ERMARD: variants seen among roughly 807,000 people sequenced by gnomAD.
ERMARD encodes the protein endoplasmic reticulum membrane-associated RNA degradation protein.
Under a neutral mutation model 83.9 loss-of-function variants are expected in ERMARD, and 71 were observed. The observed-to-expected ratio is 0.85, with a 90% confidence interval of 0.70 to 1.03. The LOEUF (loss-of-function observed/expected upper bound fraction) is 1.03, where lower values mean the gene tolerates loss of function less well. ERMARD is among the 50% of genes least tolerant of loss of function. ERMARD has a pLI of 0.00. For missense variants in ERMARD, 838 were observed against 810.9 expected (o/e 1.03, Z -0.41); for synonymous variants, 284 against 298.6 (o/e 0.95, Z 0.50).
At chr6:169,775,808 C>T in intron 14 of ERMARD, 132 bp from the exon 15 acceptor site, 1 of 1,216,536 alleles carries the variant, frequency 8.2e-7, no homozygotes, top group Non-Finnish European at 1.1e-6. Flanking sequence ...GTGGCTTTTT[C>T]CATTTTATAT....
At chr6:169,769,261 A>G (rs1379589078) in intron 11 of ERMARD, among the ~76,000 whole-genome samples, 1 of 152,232 alleles carries the variant, frequency 6.6e-6, no homozygotes. Flanking sequence ...TCATTTGCAA[A>G]TGTTCACACT....
intron 5 of ERMARD, among the ~76,000 whole-genome samples, chr6:169,757,364 A>T (rs1790948952): frequency 6.6e-6 from 1 of 152,178 alleles, no homozygotes; most frequent in Admixed American, 6.5e-5. Flanking sequence ...CCGAGTGTGA[A>T]TAACTCTGGG....
intron 16 of ERMARD, 142 bp from the exon 17 acceptor site, chr6:169,779,040 C>T (rs1240375188): frequency 1.3e-6 from 1 of 749,978 alleles, no homozygotes; most frequent in African/African-American, 1.7e-5. Flanking sequence ...TGGAAGCAGG[C>T]ATTGGGCTCT....
In ERMARD at chr6:169,751,634, C is replaced by T. The variant is rs1167756626; in HGVS notation, c.-24C>T. On this transcript the variant is annotated 5_prime_UTR_variant, in exon 1 of 18. Transcript: ENST00000366773. Reference sequence around the variant, plus strand: ...CGCAGGCGCCTGCGTCATTCACGCGCGCCGCAGCGGGGCACCGGAAGTTAT... The same window carrying T: ...CGCAGGCGCCTGCGTCATTCACGCGTGCCGCAGCGGGGCACCGGAAGTTAT... The T allele has an allele frequency of 4.5e-6, 7 of 1,571,266 alleles. No homozygotes were observed. The highest frequency in any genetic ancestry group is 3.4e-5 in the South Asian group (3 of 87,242).
chr6:169,751,881 T>G, intron 1 of ERMARD: 1 of 627,288 alleles, frequency 1.6e-6, no homozygotes, highest in Non-Finnish European at 2.4e-6. Context: ...CCGGCCTCCC[T>G]GGGCCAGGCT....
intron 10 of ERMARD, chr6:169,767,003 T>A (rs1335509002): frequency 4.4e-6 from 1 of 228,310 alleles, no homozygotes; most frequent in Non-Finnish European, 8.5e-6. Context: ...CTGTTACAAG[T>A]GTGTGGGATA....
intron 13 of ERMARD, among the ~76,000 whole-genome samples, chr6:169,774,753 G>A (rs915758232): frequency 3.9e-5 from 6 of 152,204 alleles, no homozygotes; most frequent in Admixed American, 6.5e-5. Flanking sequence ...TGACCTGGGC[G>A]TTGATGGCTG....
chr6:169,768,183 G>T lies in ERMARD; in HGVS notation c.1059+12G>T, dbSNP rs754401068. ...GAGAGCCTGCTATGGTAAGTATTAGGTATTTTCCAGGCTAATATTCTTGTA... is the reference window on the plus strand; with the variant it reads ...GAGAGCCTGCTATGGTAAGTATTAGTTATTTTCCAGGCTAATATTCTTGTA... On this transcript the variant is annotated intron_variant, in intron 11 of 17. Coordinates refer to ENST00000366773, the MANE Select transcript of ERMARD (RefSeq NM_018341.3). 1 of 1,607,834 alleles carries T rather than the reference G, an allele frequency of 6.2e-7. No individual in the cohort carries two copies. The highest frequency in any genetic ancestry group is 1.1e-5 in the South Asian group (1 of 90,880).
At chr6:169,766,920 C>G (rs1442882444) in intron 10 of ERMARD, 2 of 386,412 alleles carry the variant, frequency 5.2e-6, no homozygotes, top group African/African-American at 2.1e-5. Flanking sequence ...ACATGATTAG[C>G]TATAATTATT....
At chr6:169,780,958 A>G (rs578142160) in intron 17 of ERMARD, among the ~76,000 whole-genome samples, 2 of 152,320 alleles carry the variant, frequency 1.3e-5, no homozygotes, top group East Asian at 1.9e-4. Context: ...GGTATCCACT[A>G]GATGACTGTA....
intron 13 of ERMARD, 45 bp downstream of exon 13, chr6:169,773,447 A>G (rs771195701): frequency 5.5e-5 from 87 of 1,578,944 alleles, no homozygotes; most frequent in Non-Finnish European, 6.6e-5. Flanking sequence ...ATGTCTCTGA[A>G]ACCACCTGTC....
chr6:169,758,396 TC>T (rs1456559060), intron 5 of ERMARD, among the ~76,000 whole-genome samples: 1 of 152,218 alleles, frequency 6.6e-6, no homozygotes, highest in East Asian at 1.9e-4. Flanking sequence ...TTGGGTGTTT[TC>T]TTCACTCTGT....
chr6:169,758,756 G>T (rs1791140852), intron 5 of ERMARD, among the ~76,000 whole-genome samples: 1 of 152,008 alleles, frequency 6.6e-6, no homozygotes, highest in Admixed American at 6.6e-5. Flanking sequence ...TTCCTCATAG[G>T]TTGTTCTTAG....
intron 8 of ERMARD, among the ~76,000 whole-genome samples, chr6:169,761,020 G>C (rs144480012): frequency 4.9e-4 from 74 of 152,258 alleles, no homozygotes; most frequent in African/African-American, 1.7e-3. Context: ...CTTAGAATGA[G>C]TGAAACATGT....
intron 9 of ERMARD, among the ~76,000 whole-genome samples, chr6:169,762,875 A>G (rs1791730806): frequency 6.6e-6 from 1 of 152,164 alleles, no homozygotes; most frequent in African/African-American, 2.4e-5. Context: ...GTTGAACCTG[A>G]CCTTGGGAAA....
intron 8 of ERMARD, 106 bp from the exon 9 acceptor site, chr6:169,762,323 C>G: frequency 9.8e-7 from 1 of 1,022,818 alleles, no homozygotes; most frequent in Non-Finnish European, 1.5e-6. Context: ...GATCCTCCCA[C>G]CTTGGCTTCC....
rs1258784217 is a variant in ERMARD, at chr6:169,755,408, A to G, written c.301A>G (p.Thr101Ala). The G allele has an allele frequency of 1.2e-6, 2 of 1,614,000 alleles. No individual in the cohort carries two copies. Among genetic ancestry groups the G allele is most frequent in the African/African-American group, 1.3e-5 (1 of 74,924 alleles). ...TCGATATGCACCGTGGTTCCAGTGG[A>G]CAAGTTTTCCAGAGGTTTGGCTTTT... ...EIRYAPWFQW[T>A]SFPELFPEIF... The change falls in exon 3 of 18, where the codon ACA becomes GCA. Residue 101 changes from threonine to alanine, a missense_variant. Physicochemically the swap from Thr to Ala is moderately conservative, Grantham distance 58. Coordinates refer to ENST00000366773, the MANE Select transcript of ERMARD (RefSeq NM_018341.3).
rs199535143 is a variant in ERMARD at position 169,758,994 on chromosome 6, C to T, written c.534C>T (p.Gly178=). 1 of 1,613,974 alleles carries T rather than the reference C, an allele frequency of 6.2e-7. No individual in the cohort carries two copies. Among genetic ancestry groups the T allele is most frequent in the Non-Finnish European group, 8.5e-7 (1 of 1,179,946 alleles). The change falls in exon 6 of 18, where the codon GGC becomes GGT. Residue 178 remains glycine, a synonymous_variant. Coordinates refer to ENST00000366773, the MANE Select transcript of ERMARD (RefSeq NM_018341.3). ...TGAATGTGCTAAAAGTCTTCGTTGG[C>T]TCTCCGTGTGGTCTCAACCTGCGTA... is the stretch of plus-strand genomic sequence containing the variant. ...SVMNVLKVFV[G]SPCGLNLRNV...
intron 5 of ERMARD, 35 bp from the exon 6 acceptor site, chr6:169,758,933 C>T (rs1791168804): frequency 6.5e-7 from 1 of 1,532,086 alleles, no homozygotes; most frequent in Non-Finnish European, 9.0e-7. Context: ...TTCAGTAATT[C>T]AGTATAATTA....
Sources: gnomAD v4.1 joint callset for allele counts (sites outside exome capture counted in the v4.1 genomes callset) on GRCh38, gnomAD v4.1.1 for gene constraint, MANE v1.5 for transcripts, NCBI Gene and HGNC (gene_info 2026-07-23, HGNC 2026-07-21) for gene names.